The following DSCAM variants were observed in gnomAD, a reference collection of about 807,000 sequenced individuals.
DSCAM encodes the protein DS cell adhesion molecule, also known as cell adhesion molecule DSCAM.
A neutral mutation model predicts 217.7 loss-of-function variants in DSCAM; 47 were observed. That is an observed-to-expected ratio of 0.22 (90% CI 0.17 to 0.28). DSCAM has a LOEUF of 0.28. Among genes scored for constraint, DSCAM ranks in the 10% least tolerant of loss-of-function variants. DSCAM has a pLI of 1.00. For synonymous variants in DSCAM, 1,056 were observed against 1,015.3 expected (o/e 1.04, Z -0.76); for missense variants, 2,080 against 2,618.3 (o/e 0.79, Z 4.49).
chr21:40,138,543 TGTGTATGTGTGGTGTGTGACATATACGGG>T (rs1185984819), intron 18 of DSCAM, among the ~76,000 whole-genome samples: 1 of 146,462 alleles, frequency 6.8e-6, no homozygotes, highest in Non-Finnish European at 1.5e-5. Context: ...ATGTGGGGTT[TGTGTATGTGTGGTGTGTGACATATACGGG>T]GTGTGTGTGG....
chr21:40,123,699 T>C (rs1281314776), intron 20 of DSCAM, among the ~76,000 whole-genome samples: 1 of 151,226 alleles, frequency 6.6e-6, no homozygotes, highest in Non-Finnish European at 1.5e-5. Context: ...CCCTCATTTC[T>C]AGCACAATAG....
chr21:40,680,772 A>C (rs2090392284), intron 3 of DSCAM, among the ~76,000 whole-genome samples: 1 of 152,248 alleles, frequency 6.6e-6, no homozygotes, highest in Non-Finnish European at 1.5e-5. Context: ...TGAGCCTTGG[A>C]GAGTCAATGC....
intron 32 of DSCAM, among the ~76,000 whole-genome samples, chr21:40,032,104 A>AAACAGC (rs1004870588): frequency 1.1e-4 from 17 of 152,298 alleles, no homozygotes; most frequent in African/African-American, 3.8e-4. Context: ...ATTGTTGTAG[A>AAACAGC]AACAGCTCTG....
intron 1 of DSCAM, among the ~76,000 whole-genome samples, chr21:40,749,528 C>A (rs77465117): frequency 0.094 from 14,265 of 151,938 alleles, 715 homozygotes; most frequent in African/African-American, 0.11. Flanking sequence ...ATGAGATATC[C>A]CTTCACCTTA....
intron 1 of DSCAM, among the ~76,000 whole-genome samples, chr21:40,845,178 T>G (rs1329283668): frequency 1.3e-5 from 2 of 152,228 alleles, no homozygotes; most frequent in African/African-American, 4.8e-5. Flanking sequence ...CAGAACTTGT[T>G]GCAATTCTTT....
At chr21:40,153,752 C>A (rs572178736) in intron 16 of DSCAM, among the ~76,000 whole-genome samples, 13 of 152,132 alleles carry the variant, frequency 8.5e-5, no homozygotes, top group Non-Finnish European at 1.6e-4. Context: ...TTTTAAAAAG[C>A]CCTCCAGGGG....
chr21:40,223,470 A>AC (rs2091305896), intron 11 of DSCAM, among the ~76,000 whole-genome samples: 1 of 152,240 alleles, frequency 6.6e-6, no homozygotes, highest in African/African-American at 2.4e-5. Context: ...CAGGTAAAAA[A>AC]AGCTCCAATA....
At chr21:40,431,749 G>C (rs1037397416) in intron 3 of DSCAM, among the ~76,000 whole-genome samples, 1 of 152,140 alleles carries the variant, frequency 6.6e-6, no homozygotes, top group African/African-American at 2.4e-5. Flanking sequence ...GAAGTTTTGG[G>C]GAGTAAAATG....
chr21:40,203,458 G>A (rs1568997917), intron 11 of DSCAM, among the ~76,000 whole-genome samples: 1 of 152,270 alleles, frequency 6.6e-6, no homozygotes, highest in East Asian at 1.9e-4. Flanking sequence ...GTTCTTTGTG[G>A]CATCCCTCCC....
chr21:40,628,613 G>A (rs2146313187), intron 3 of DSCAM, among the ~76,000 whole-genome samples: 1 of 152,254 alleles, frequency 6.6e-6, no homozygotes, highest in South Asian at 2.1e-4. Context: ...TCTAGTGTCT[G>A]TTACTCTACA....
At chr21:40,591,586 T>C (rs2076984765) in intron 3 of DSCAM, among the ~76,000 whole-genome samples, 1 of 152,182 alleles carries the variant, frequency 6.6e-6, no homozygotes, top group Non-Finnish European at 1.5e-5. Flanking sequence ...ATAGAAAGTG[T>C]CCACTAGGGT....
At chr21:40,597,569 T>C (rs1448891719) in intron 3 of DSCAM, among the ~76,000 whole-genome samples, 2 of 139,806 alleles carry the variant, frequency 1.4e-5, no homozygotes, top group African/African-American at 2.7e-5. Context: ...TGCAGTGACA[T>C]GATCTCGGCT....
chr21:40,149,488 G>C (rs200686855), intron 16 of DSCAM, among the ~76,000 whole-genome samples: 2,467 of 36,640 alleles, frequency 0.067, 2 homozygotes, highest in South Asian at 0.15. Flanking sequence ...AACACCAACA[G>C]CACTGTCACC....
Position 40,731,324 on chromosome 21 carries a change from C to T in DSCAM, c.44-22553G>A, listed in dbSNP as rs148361995. 1.4e-4 allele frequency among the ~76,000 whole-genome samples: 22 copies of T among 152,258 alleles called. No homozygotes were observed. The East Asian group carries it at 4.1e-3, about 28-fold the overall frequency. ...AAGACAATTTCACTAAATACCAGGA[C>T]AGACACTGCATGATCTCATGGAATT... On this transcript the variant is annotated intron_variant, in intron 1 of 32. Coordinates refer to ENST00000400454, the MANE Select transcript of DSCAM (RefSeq NM_001389.5).
intron 22 of DSCAM, 81 bp from the exon 23 acceptor site, chr21:40,085,846 C>A: frequency 8.0e-7 from 1 of 1,256,466 alleles, no homozygotes; most frequent in South Asian, 2.5e-5. Flanking sequence ...CAGAAAGACT[C>A]TGTGAAGCAA....
intron 11 of DSCAM, among the ~76,000 whole-genome samples, chr21:40,198,114 C>T (rs534482591): frequency 8.5e-5 from 13 of 152,238 alleles, no homozygotes; most frequent in African/African-American, 2.9e-4. Context: ...AAACATCTCC[C>T]GCAAGCCTAT....
At chr21:40,523,932 G>A (rs1024185916) in intron 3 of DSCAM, among the ~76,000 whole-genome samples, 3 of 152,024 alleles carry the variant, frequency 2.0e-5, no homozygotes, top group African/African-American at 4.8e-5. Flanking sequence ...GTGAGGCACC[G>A]AAAACACGAG....
chr21:40,133,667 G>T (rs1360133180), intron 19 of DSCAM, among the ~76,000 whole-genome samples, 187 bp downstream of exon 19: 1 of 152,076 alleles, frequency 6.6e-6, no homozygotes, highest in African/African-American at 2.4e-5. Context: ...AAGAAGCAAT[G>T]GATTAGACAC....
intron 5 of DSCAM, among the ~76,000 whole-genome samples, chr21:40,348,844 G>GACAATAAGAGAT (rs2074596108): frequency 6.6e-6 from 1 of 152,016 alleles, no homozygotes; most frequent in Non-Finnish European, 1.5e-5. Context: ...TAAATCCACT[G>GACAATAAGAGAT]ACAATAAGAG....
Sources: allele counts gnomAD v4.1 joint callset (sites outside exome capture counted in the v4.1 genomes callset), GRCh38; gene constraint gnomAD v4.1.1; transcripts MANE v1.5; gene names NCBI Gene and HGNC (gene_info 2026-07-23, HGNC 2026-07-21).